Variants in AMER1 observed in about 807,000 individuals in gnomAD.
AMER1 encodes RP11-403E24.2.
AMER1 carries 16 observed loss-of-function variants against 53.0 expected under a neutral mutation model. That is an observed-to-expected ratio of 0.30 (90% CI 0.20 to 0.46). The LOEUF (loss-of-function observed/expected upper bound fraction) is 0.46. AMER1 is among the 20% of genes least tolerant of loss of function. AMER1 has a pLI of 1.00. For synonymous variants in AMER1, 354 were observed against 331.9 expected (o/e 1.07, Z -0.73); for missense variants, 947 against 884.9 (o/e 1.07, Z -0.89).
At position 64,187,264 on chromosome X, in the gene AMER1, G is replaced by T; in HGVS notation, c.*2615C>A. On this transcript the variant is annotated 3_prime_UTR_variant, in exon 2 of 2. Coordinates refer to ENST00000374869, the MANE Select transcript of AMER1 (RefSeq NM_152424.4). ...AACTGCTTAGCTCTAGAAATTCAAA[G>T]GAACCTGCTTCTGCAGCCACATATC... 1 of 788,175 alleles carries T rather than the reference G, an allele frequency of 1.3e-6. No individual in the cohort carries two copies. 65.0% of individuals were successfully genotyped at this position (788,175 alleles called of 1,213,427 possible). A position where few individuals can be genotyped will look rare whatever the true frequency, so the allele number is the denominator to read the frequency against.
Position 64,189,481 on chromosome X carries a change from T to G in AMER1, c.*398A>C. On this transcript the variant is annotated 3_prime_UTR_variant, in exon 2 of 2. Coordinates refer to ENST00000374869, the MANE Select transcript of AMER1 (RefSeq NM_152424.4). ...ATGTGTGTTTGTGTGTGTGTGTGTA[T>G]GTATGTGTGTGTGTGTGTGTGTGTG... 1.7e-6 allele frequency: 1 copy of G among 574,851 alleles called. No homozygotes were observed. The highest frequency in any genetic ancestry group is 2.0e-6 in the Non-Finnish European group (1 of 497,685). 47.4% of individuals were successfully genotyped at this position (574,851 alleles called of 1,213,427 possible).
In AMER1 at chrX:64,192,479, C is replaced by T. The variant is rs757166034; in HGVS notation, c.808G>A (p.Val270Met). 8.3e-7 allele frequency: 1 copy of T among 1,203,275 alleles called. No homozygotes were observed. Among genetic ancestry groups the T allele is most frequent in the Non-Finnish European group, 1.1e-6 (1 of 892,191 alleles). The stretch of plus-strand genomic sequence containing the variant: ...GCTTCAGGGGCAGGCTTGGGTTGCA[C>T]ATGTGCTGAGGCACAGGCCTCCATG... ...KPMEACASAH[V>M]QPKPAPEASS... The change falls in exon 2 of 2, where the codon GTG becomes ATG. Residue 270 changes from valine (V) to methionine (M), a missense_variant. By Grantham distance (21) the Val-to-Met change is conservative (BLOSUM62 1). Coordinates refer to ENST00000374869, the MANE Select transcript of AMER1 (RefSeq NM_152424.4).
chrX:64,186,068 G>T lies in AMER1; in HGVS notation c.*3811C>A. The stretch of plus-strand genomic sequence containing the variant: ...GAGGGTCTAGACATGGGGAAGAAGG[G>T]TTCAAAAGAAAGAAAAACATAAAAT... On this transcript the variant is annotated 3_prime_UTR_variant, in exon 2 of 2. Transcript: ENST00000374869. The T allele has an allele frequency of 8.8e-7, 1 of 1,130,670 alleles. No individual in the cohort carries two copies. Among genetic ancestry groups the T allele is most frequent in the Non-Finnish European group, 1.2e-6 (1 of 823,471 alleles). The allele number at this position is 1,130,670 out of a possible 1,213,427, so 93.2% of individuals were successfully genotyped here. A position where few individuals can be genotyped will look rare whatever the true frequency, so the allele number is the denominator to read the frequency against.
intron 1 of AMER1, among the ~76,000 whole-genome samples, chrX:64,204,285 C>T (rs770348362): frequency 3.5e-5 from 4 of 113,618 alleles, no homozygotes; most frequent in Non-Finnish European, 7.5e-5. Flanking sequence ...CAGGCAGAGC[C>T]GCAGAGGAAG....
In AMER1 at chrX:64,192,910, T is replaced by A. The variant is rs1930286621; in HGVS notation, c.377A>T (p.Gln126Leu). The change falls in exon 2 of 2, where the codon CAA becomes CTA. Residue 126 changes from glutamine to leucine, a missense_variant. Gln to Leu is a moderately radical substitution (Grantham distance 113, BLOSUM62 -2). Transcript: ENST00000374869. ...ATGGGCACTCTGAGAGCTGGGAAAT[T>A]GGCAGGGTAACTCAGGCAAAGGCAG... Reference protein sequence around the residue: ...FSLPLPELPCQFPSSQSAHGA... With the variant: ...FSLPLPELPCLFPSSQSAHGA... 8.3e-7 allele frequency: 1 copy of A among 1,210,120 alleles called. No homozygotes were observed. The highest frequency in any genetic ancestry group is 1.7e-5 in the African/African-American group (1 of 57,172).
rs770248514 is a variant in AMER1, at chrX:64,188,065, G to A, written c.*1814C>T. On this transcript the variant is annotated 3_prime_UTR_variant, in exon 2 of 2. Coordinates refer to ENST00000374869, the MANE Select transcript of AMER1 (RefSeq NM_152424.4). ...CCCCAATCTGAGAAATGGTGACAAA[G>A]ACCAGCATGGACACATCCCCTGGCC... 7.5e-5 allele frequency: 59 copies of A among 782,028 alleles called. No individual in the cohort carries two copies. The highest frequency in any genetic ancestry group is 8.7e-5 in the Non-Finnish European group (57 of 656,971). 64.4% of individuals were successfully genotyped at this position (782,028 alleles called of 1,213,427 possible).
intron 1 of AMER1, among the ~76,000 whole-genome samples, chrX:64,196,800 TTC>T (rs1930380433): frequency 9.0e-6 from 1 of 111,597 alleles, no homozygotes; most frequent in African/African-American, 3.3e-5. Context: ...GTACTCTGTG[TTC>T]TCTCTCCCAG....
Position 64,192,028 on chromosome X carries a change from T to C in AMER1, c.1259A>G (p.Asn420Ser), listed in dbSNP as rs1341891064. The change falls in exon 2 of 2, where the codon AAT becomes AGT. Residue 420 changes from asparagine (N) to serine (S), a missense_variant. Physicochemically the swap from Asn to Ser is conservative, Grantham distance 46 (BLOSUM62 1). Transcript: ENST00000374869. The part of the protein sequence containing the change: ...WETAQMYPRP[N>S]MNLGYHPTTS... ...GGTGGGATGGTAGCCCAGGTTCATA[T>C]TGGGCCGTGGATACATTTGGGCAGT... The C allele has an allele frequency of 4.1e-6, 5 of 1,210,285 alleles. No individual in the cohort carries two copies. Among genetic ancestry groups the C allele is most frequent in the South Asian group, 1.8e-5 (1 of 56,796 alleles).
intron 1 of AMER1, among the ~76,000 whole-genome samples, chrX:64,203,925 G>A (rs183406365): frequency 3.6e-5 from 4 of 111,677 alleles, no homozygotes; most frequent in Non-Finnish European, 7.5e-5. Flanking sequence ...CTGTCATAAA[G>A]GTCCAGAGCT....
Position 64,186,002 on chromosome X carries a change from A to T in AMER1, c.*3877T>A. The T allele has an allele frequency of 1.5e-6, 1 of 676,793 alleles. No individual in the cohort carries two copies. The highest frequency in any genetic ancestry group is 2.2e-6 in the Non-Finnish European group (1 of 463,433). The allele number at this position is 676,793 out of a possible 1,213,427, so 55.8% of individuals were successfully genotyped here. On this transcript the variant is annotated 3_prime_UTR_variant, in exon 2 of 2. Transcript: ENST00000374869. ...CTCTGATTTCAAAACTAAAGCACAAAACATAACGAGGAAAAAAAATAAGAC... is the reference window on the plus strand; with the variant it reads ...CTCTGATTTCAAAACTAAAGCACAATACATAACGAGGAAAAAAAATAAGAC...
Position 64,190,014 on chromosome X carries a change from C to T in AMER1, c.3273G>A (p.Arg1091=), listed in dbSNP as rs200157619. The T allele has an allele frequency of 6.5e-4, 781 of 1,204,719 alleles. 3 individuals are homozygous for T. Among genetic ancestry groups the T allele is most frequent in the Non-Finnish European group, 6.1e-4 (545 of 892,509 alleles). The change falls in exon 2 of 2, where the codon CGG becomes CGA. Residue 1091 remains arginine (R), a synonymous_variant. Coordinates refer to ENST00000374869, the MANE Select transcript of AMER1 (RefSeq NM_152424.4). ...TGGGCTGAGGCTGGGGGTGCTCAGG[C>T]CGGACCCTGGGCAGCTGAGGAATGC... ...THGIPQLPRV[R]PEHPQPQPTH...
chrX:64,190,376 C>G lies in AMER1; in HGVS notation c.2911G>C (p.Gly971Arg). 1 of 1,211,362 alleles carries G rather than the reference C, an allele frequency of 8.3e-7. No individual in the cohort carries two copies. Among genetic ancestry groups the G allele is most frequent in the Non-Finnish European group, 1.1e-6 (1 of 895,175 alleles). ...WAPCPLPVGP[G>R]PAWISPNQLD... Reference sequence around the variant, plus strand: ...TGGTTGGGGCTTATCCAGGCAGGACCTGGCCCCACTGGAAGAGGACAGGGA... The same window carrying G: ...TGGTTGGGGCTTATCCAGGCAGGACGTGGCCCCACTGGAAGAGGACAGGGA... Residue 971 changes from glycine (G) to arginine (R), a missense_variant, in exon 2 of 2, where the codon GGT becomes CGT. By Grantham distance (125) the Gly-to-Arg change is moderately radical (BLOSUM62 -2). Transcript: ENST00000374869.
Position 64,189,793 on chromosome X carries a change from A to ACCGGCCCCCCCCCCCCC in AMER1, c.*85_*86insGGGGGGGGGGGGGCCGG. 3.4e-6 allele frequency: 1 copy of ACCGGCCCCCCCCCCCCC among 292,068 alleles called. No individual in the cohort carries two copies. The highest frequency in any genetic ancestry group is 4.9e-6 in the Non-Finnish European group (1 of 204,827). The allele number at this position is 292,068 out of a possible 1,213,427, so 24.1% of individuals were successfully genotyped here. A position where few individuals can be genotyped will look rare whatever the true frequency, so the allele number is the denominator to read the frequency against. On this transcript the variant is annotated 3_prime_UTR_variant, in exon 2 of 2. Coordinates refer to ENST00000374869, the MANE Select transcript of AMER1 (RefSeq NM_152424.4). The stretch of plus-strand genomic sequence containing the variant: ...CAAAGGGTTTTCAAGTTAAACAACA[A>ACCGGCCCCCCCCCCCCC]CCCCCACCCCCCCACCCTTCTGCCC...
Position 64,189,851 on chromosome X carries a change from C to A in AMER1, c.*28G>T, listed in dbSNP as rs745699635. 3 of 1,193,682 alleles carry A rather than the reference C, an allele frequency of 2.5e-6. No homozygotes were observed. The South Asian group carries it at 5.4e-5, about 22-fold the overall frequency. On this transcript the variant is annotated 3_prime_UTR_variant, in exon 2 of 2. Transcript: ENST00000374869. Reference sequence around the variant, plus strand: ...GATCCCCATTCACATGCTCAGGCCCCGTGTCCCTACTCCAGAATTGATAAT... The same window carrying A: ...GATCCCCATTCACATGCTCAGGCCCAGTGTCCCTACTCCAGAATTGATAAT...
chrX:64,187,890 C>A lies in AMER1; in HGVS notation c.*1989G>T, dbSNP rs1930139917. The stretch of plus-strand genomic sequence containing the variant: ...CAGCTCCACAACAGATACATTTCTT[C>A]ACAATGTATCTGTAGCCAAAGTCAG... On this transcript the variant is annotated 3_prime_UTR_variant, in exon 2 of 2. Transcript: ENST00000374869. 1.3e-6 allele frequency: 1 copy of A among 777,601 alleles called. No homozygotes were observed. Among genetic ancestry groups the A allele is most frequent in the East Asian group, 8.9e-5 (1 of 11,223 alleles). 64.1% of individuals were successfully genotyped at this position (777,601 alleles called of 1,213,427 possible).
At chrX:64,199,057 G>A (rs972434293) in intron 1 of AMER1, among the ~76,000 whole-genome samples, 8 of 112,259 alleles carry the variant, frequency 7.1e-5, no homozygotes, top group African/African-American at 2.6e-4. Context: ...AGTTGTAGAT[G>A]CAGCTGGCAG....
chrX:64,189,792 A>AGGGGGGGGGGCCCCCCCCC lies in AMER1; in HGVS notation c.*86_*87insGGGGGGGGGCCCCCCCCCC. On this transcript the variant is annotated 3_prime_UTR_variant, in exon 2 of 2. Transcript: ENST00000374869. ...CCAAAGGGTTTTCAAGTTAAACAAC[A>AGGGGGGGGGGCCCCCCCCC]ACCCCCACCCCCCCACCCTTCTGCC... 1 of 746,978 alleles carries AGGGGGGGGGGCCCCCCCCC rather than the reference A, an allele frequency of 1.3e-6. No homozygotes were observed. Among genetic ancestry groups the AGGGGGGGGGGCCCCCCCCC allele is most frequent in the Non-Finnish European group, 1.7e-6 (1 of 590,433 alleles). The allele number at this position is 746,978 out of a possible 1,213,427, so 61.6% of individuals were successfully genotyped here. A position where few individuals can be genotyped will look rare whatever the true frequency, so the allele number is the denominator to read the frequency against.
At chrX:64,202,106 G>A (rs2147095010) in intron 1 of AMER1, among the ~76,000 whole-genome samples, 1 of 112,303 alleles carries the variant, frequency 8.9e-6, no homozygotes, top group South Asian at 3.7e-4. Context: ...CCAAAGTGCT[G>A]GAATTGCAGG....
rs1930193912 is a variant in AMER1 at position 64,189,581 on chromosome X, T to A, written c.*298A>T. ...ATAATCACTAACTTGGCAACTGGAA[T>A]AGGCACAAAATTACAGCATCCCAAA... On this transcript the variant is annotated 3_prime_UTR_variant, in exon 2 of 2. Transcript: ENST00000374869. The A allele has an allele frequency of 1.3e-6, 1 of 776,373 alleles. No individual in the cohort carries two copies. Among genetic ancestry groups the A allele is most frequent in the African/African-American group, 2.6e-5 (1 of 38,435 alleles). 64.0% of individuals were successfully genotyped at this position (776,373 alleles called of 1,213,427 possible).
Sources: gnomAD v4.1 joint callset for allele counts (sites outside exome capture counted in the v4.1 genomes callset) on GRCh38, gnomAD v4.1.1 for gene constraint, MANE v1.5 for transcripts, NCBI Gene and HGNC (gene_info 2026-07-23, HGNC 2026-07-21) for gene names.